The following TCF12 variants were observed in gnomAD, a reference collection of about 807,000 sequenced individuals.
TCF12 encodes the protein transcription factor 12, also known as DNA-binding protein HTF4.
TCF12 carries 45 observed loss-of-function variants against 86.0 expected under a neutral mutation model. That is an observed-to-expected ratio of 0.52 (90% CI 0.41 to 0.67). The LOEUF (loss-of-function observed/expected upper bound fraction) is 0.67, where lower values mean the gene tolerates loss of function less well. Ranked by LOEUF, TCF12 falls within the 30% of genes least tolerant of loss-of-function variation. The pLI is 0.00. For missense variants in TCF12, 881 were observed against 859.9 expected (o/e 1.02, Z -0.31); for synonymous variants, 330 against 299.6 (o/e 1.10, Z -1.05).
At chr15:57,122,471 A>T (rs1263516094) in intron 5 of TCF12, among the ~76,000 whole-genome samples, 1 of 152,206 alleles carries the variant, frequency 6.6e-6, no homozygotes, top group Non-Finnish European at 1.5e-5. Context: ...TATTTCATTC[A>T]ATTCTTTTAA....
intron 3 of TCF12, among the ~76,000 whole-genome samples, chr15:57,039,628 C>G (rs1417493616): frequency 8.2e-6 from 1 of 121,456 alleles, no homozygotes; most frequent in Non-Finnish European, 1.6e-5. Context: ...TTTGAGTAGT[C>G]CATGTGGTAG....
rs760161332 is a variant in TCF12 at position 57,232,329 on chromosome 15, A to C, written c.724A>C (p.Asn242His). ...HNSSDLWSSS[N>H]GMSQPGFGGI... is the part of the protein sequence containing the mutation. Reference sequence around the variant, plus strand: ...TTCTTCTGACCTTTGGAGTTCATCAAATGGGATGAGCCAGCCTGGTTTTGG... The same window carrying C: ...TTCTTCTGACCTTTGGAGTTCATCACATGGGATGAGCCAGCCTGGTTTTGG... The change falls in exon 10 of 21, where the codon AAT becomes CAT. Residue 242 changes from asparagine to histidine, a missense_variant. Coordinates refer to ENST00000333725, the MANE Select transcript of TCF12 (RefSeq NM_207037.2). The C allele has an allele frequency of 6.2e-7, 1 of 1,613,900 alleles. No individual in the cohort carries two copies. The highest frequency in any genetic ancestry group is 1.1e-5 in the South Asian group (1 of 91,086).
chr15:57,034,237 G>A (rs1232266044), intron 3 of TCF12, among the ~76,000 whole-genome samples: 1 of 152,076 alleles, frequency 6.6e-6, no homozygotes, highest in Non-Finnish European at 1.5e-5. Flanking sequence ...TTGTTTTTGG[G>A]TTAAATAAAC....
chr15:57,212,976 T>TCTGCCCTA (rs773937263), intron 8 of TCF12, among the ~76,000 whole-genome samples: 22 of 152,346 alleles, frequency 1.4e-4, no homozygotes, highest in Non-Finnish European at 2.4e-4. Flanking sequence ...GGAGAATACT[T>TCTGCCCTA]CTGCCCTACT....
In TCF12 at chr15:57,064,816, G is replaced by A. The variant is rs867770111; in HGVS notation, c.222+993G>A. Among the ~76,000 whole-genome samples, 590 of 121,604 alleles carry A rather than the reference G, an allele frequency of 4.9e-3. 4 individuals carry two copies. Among genetic ancestry groups the A allele is most frequent in the African/African-American group, 0.021 (505 of 24,528 alleles). 79.8% of individuals were successfully genotyped at this position (121,604 alleles called of 152,430 possible). A position where few individuals can be genotyped will look rare whatever the true frequency, so the allele number is the denominator to read the frequency against. On this transcript the variant is annotated intron_variant, in intron 4 of 20. Transcript: ENST00000333725. ...ATCTCAAAAAAAAAAAAAAAAAAGA[G>A]AGAGAGAGAAAGACTTTTCCAAAAG...
At chr15:57,045,736 G>T (rs1410659846) in intron 3 of TCF12, among the ~76,000 whole-genome samples, 1 of 152,006 alleles carries the variant, frequency 6.6e-6, no homozygotes, top group Non-Finnish European at 1.5e-5. Context: ...TGTAGAGATG[G>T]GGTTTCACTG....
intron 3 of TCF12, among the ~76,000 whole-genome samples, chr15:57,031,321 A>G (rs2141350035): frequency 6.6e-6 from 1 of 152,238 alleles, no homozygotes; most frequent in African/African-American, 2.4e-5. Context: ...TTTATCAGTG[A>G]TCTCCCTGTC....
intron 3 of TCF12, among the ~76,000 whole-genome samples, chr15:56,922,820 C>CA (rs1205109274): frequency 6.6e-6 from 1 of 151,424 alleles, no homozygotes; most frequent in Non-Finnish European, 1.5e-5. Context: ...GATTTTTTTT[C>CA]AAATCAAGAT....
intron 5 of TCF12, among the ~76,000 whole-genome samples, chr15:57,161,039 A>G (rs1002355576): frequency 1.6e-4 from 25 of 152,112 alleles, no homozygotes; most frequent in African/African-American, 6.0e-4. Flanking sequence ...GTCAGTGACT[A>G]GCCCATAAAT....
chr15:57,044,574 CA>C (rs2067108161), intron 3 of TCF12, among the ~76,000 whole-genome samples: 1 of 151,980 alleles, frequency 6.6e-6, no homozygotes, highest in Non-Finnish European at 1.5e-5. Context: ...TTTGCCTTAC[CA>C]TTTTTTTTCT....
intron 5 of TCF12, among the ~76,000 whole-genome samples, chr15:57,096,284 C>G (rs1302799573): frequency 6.6e-6 from 1 of 152,026 alleles, no homozygotes; most frequent in African/African-American, 2.4e-5. Flanking sequence ...ACTTTTTTAG[C>G]CTACGACACC....
chr15:56,992,267 T>C (rs182033302), intron 3 of TCF12, among the ~76,000 whole-genome samples: 46 of 152,302 alleles, frequency 3.0e-4, no homozygotes, highest in Non-Finnish European at 6.0e-4. Flanking sequence ...TGAGACCCTG[T>C]CTCACAGTAA....
intron 5 of TCF12, among the ~76,000 whole-genome samples, chr15:57,163,232 A>G (rs1350483650): frequency 2.6e-5 from 4 of 152,156 alleles, no homozygotes; most frequent in Non-Finnish European, 4.4e-5. Context: ...ACAGGTGAAT[A>G]GGATGTTCAA....
chr15:57,232,963 T>C, intron 11 of TCF12, 107 bp downstream of exon 11: 3 of 661,584 alleles, frequency 4.5e-6, no homozygotes, highest in Non-Finnish European at 6.1e-6. Context: ...ATGTTATATA[T>C]ATGTATATAT....
Position 57,253,240 on chromosome 15 carries a change from G to A in TCF12, c.1261-22G>A, listed in dbSNP as rs761663749. ...AACAGATGCCAGCAATAACCACCAT[G>A]TTTTTTTTTTAATCCATACAGCAGT... On this transcript the variant is annotated intron_variant, in intron 15 of 20. Coordinates refer to ENST00000333725, the MANE Select transcript of TCF12 (RefSeq NM_207037.2). The A allele has an allele frequency of 2.1e-6, 3 of 1,414,054 alleles. No homozygotes were observed. In the African/African-American group the frequency reaches 4.3e-5, roughly 20 times the overall value. 87.6% of individuals were successfully genotyped at this position (1,414,054 alleles called of 1,614,324 possible).
At chr15:56,962,569 TG>T (rs1268222789) in intron 3 of TCF12, among the ~76,000 whole-genome samples, 6 of 152,172 alleles carry the variant, frequency 3.9e-5, no homozygotes, top group Non-Finnish European at 2.9e-5. Context: ...AATGTAATTA[TG>T]TAAAAAGCAA....
chr15:57,255,005 A>C (rs1432643774), intron 16 of TCF12, among the ~76,000 whole-genome samples: 1 of 152,206 alleles, frequency 6.6e-6, no homozygotes, highest in Non-Finnish European at 1.5e-5. Flanking sequence ...AATTTGTTGA[A>C]ATACTATTTA....
At chr15:57,084,588 A>C (rs965781413) in intron 4 of TCF12, among the ~76,000 whole-genome samples, 2 of 152,086 alleles carry the variant, frequency 1.3e-5, no homozygotes, top group Non-Finnish European at 2.9e-5. Context: ...ATTTCAACAA[A>C]CTCCCAGAAT....
intron 8 of TCF12, among the ~76,000 whole-genome samples, chr15:57,224,111 A>C (rs143067351): frequency 6.6e-6 from 1 of 152,000 alleles, no homozygotes; most frequent in Admixed American, 6.5e-5. Flanking sequence ...AGCTCCTGCT[A>C]GTTTTACATA....
Sources: allele counts gnomAD v4.1 joint callset (sites outside exome capture counted in the v4.1 genomes callset), GRCh38; gene constraint gnomAD v4.1.1; transcripts MANE v1.5; gene names NCBI Gene and HGNC (gene_info 2026-07-23, HGNC 2026-07-21).